The following C12orf42 variants were observed in gnomAD, a reference collection of about 807,000 sequenced individuals.
C12orf42 encodes uncharacterized protein C12orf42.
C12orf42 carries 25 observed loss-of-function variants against 21.6 expected under a neutral mutation model. The observed-to-expected ratio is 1.16, with a 90% CI of 0.84 to 1.62. The LOEUF (loss-of-function observed/expected upper bound fraction) is 1.62. Among genes scored for constraint, C12orf42 ranks in the 40% most tolerant of loss-of-function variants. The pLI, the probability that C12orf42 is intolerant of heterozygous loss-of-function variation, is 0.00. For synonymous variants in C12orf42, 174 were observed against 175.0 expected (o/e 0.99, Z 0.05); for missense variants, 483 against 459.3 (o/e 1.05, Z -0.47).
chr12:103,476,246 A>G (rs1954041922), intron 2 of C12orf42, among the ~76,000 whole-genome samples: 1 of 152,174 alleles, frequency 6.6e-6, no homozygotes, highest in South Asian at 2.1e-4. Flanking sequence ...GCTCTGAGAC[A>G]TGTTTGTTCA....
chr12:103,457,843 C>A (rs1021141121), intron 2 of C12orf42, among the ~76,000 whole-genome samples: 1 of 152,060 alleles, frequency 6.6e-6, no homozygotes, highest in South Asian at 2.1e-4. Context: ...TATATTCCAA[C>A]CTTTTTAAAA....
chr12:103,404,061 C>G (rs1020815933), intron 2 of C12orf42, among the ~76,000 whole-genome samples: 2 of 152,198 alleles, frequency 1.3e-5, no homozygotes, highest in African/African-American at 4.8e-5. Flanking sequence ...CTCCAAACAA[C>G]AAGACTTTAT....
chr12:103,225,305 T>C, the C12orf42 span, among the ~76,000 whole-genome samples: 1 of 152,146 alleles, frequency 6.6e-6, no homozygotes, highest in African/African-American at 2.4e-5. Context: ...TGTCTGGTTT[T>C]AGGACAGGTA....
Position 103,462,096 on chromosome 12 carries a change from G to GTTTTTTTT in C12orf42, c.78+16245_78+16252dup, listed in dbSNP as rs71097979. ...CCATTTTTGTTTTGTTTTTTGCTTGGTTTTTTTTTTTTTTTTTTTTTTTTT... is the reference window on the plus strand; with the variant it reads ...CCATTTTTGTTTTGTTTTTTGCTTGGTTTTTTTTTTTTTTTTTTTTTTTTTTTTTTTTT... On this transcript the variant is annotated intron_variant, in intron 2 of 5. Coordinates refer to ENST00000548883, the MANE Select transcript of C12orf42 (RefSeq NM_198521.5). 5.0e-4 allele frequency among the ~76,000 whole-genome samples: 14 copies of GTTTTTTTT among 27,730 alleles called. 1 individual carries two copies. Among genetic ancestry groups the GTTTTTTTT allele is most frequent in the South Asian group, 1.5e-3 (1 of 664 alleles). 18.2% of individuals were successfully genotyped at this position (27,730 alleles called of 152,430 possible).
chr12:103,552,932 A>G, the C12orf42 span, among the ~76,000 whole-genome samples: 1 of 152,112 alleles, frequency 6.6e-6, no homozygotes, highest in East Asian at 1.9e-4. Flanking sequence ...GCCTTATAAA[A>G]CCATCAGATC....
At chr12:103,118,772 T>TAAAAAA in the C12orf42 span, among the ~76,000 whole-genome samples, 4 of 41,656 alleles carry the variant, frequency 9.6e-5, no homozygotes, top group Non-Finnish European at 1.7e-4. Flanking sequence ...CACTCCAGCC[T>TAAAAAA]AAAAAAAAAA....
the C12orf42 span, among the ~76,000 whole-genome samples, chr12:103,228,291 C>T: frequency 9.9e-5 from 15 of 151,506 alleles, no homozygotes; most frequent in African/African-American, 2.9e-4. Context: ...TGTTCTCTGG[C>T]GGGCAGGAGT....
At chr12:103,454,348 A>G (rs897557338) in intron 2 of C12orf42, among the ~76,000 whole-genome samples, 7 of 152,110 alleles carry the variant, frequency 4.6e-5, no homozygotes, top group African/African-American at 1.7e-4. Flanking sequence ...AGGGAATACT[A>G]ATCAAAATTC....
chr12:103,395,016 A>G (rs528447148), intron 3 of C12orf42, among the ~76,000 whole-genome samples: 2 of 152,352 alleles, frequency 1.3e-5, no homozygotes, highest in African/African-American at 4.8e-5. Flanking sequence ...CATTTATTCA[A>G]TAAAAATCAA....
intron 10 of C12orf42, among the ~76,000 whole-genome samples, chr12:103,257,901 C>CA (rs888606106): frequency 5.9e-5 from 9 of 151,534 alleles, no homozygotes; most frequent in Non-Finnish European, 1.2e-4. Context: ...TGACCAATAT[C>CA]AAAAAAAATT....
At chr12:103,524,112 C>T in the C12orf42 span, among the ~76,000 whole-genome samples, 3 of 152,104 alleles carry the variant, frequency 2.0e-5, no homozygotes, top group Non-Finnish European at 4.4e-5. Flanking sequence ...AGAATCTGAC[C>T]TTCTTTAGCT....
chr12:103,158,484 A>G, the C12orf42 span, among the ~76,000 whole-genome samples: 1 of 152,148 alleles, frequency 6.6e-6, no homozygotes, highest in Non-Finnish European at 1.5e-5. Context: ...TTTTAACCTT[A>G]TCTTCCTAAG....
chr12:103,150,225 T>C, the C12orf42 span, among the ~76,000 whole-genome samples: 3 of 152,188 alleles, frequency 2.0e-5, no homozygotes, highest in Non-Finnish European at 4.4e-5. Flanking sequence ...GAGTATTGAG[T>C]ACCTGGTTTA....
chr12:103,113,242 G>A, the C12orf42 span, among the ~76,000 whole-genome samples: 1 of 152,280 alleles, frequency 6.6e-6, no homozygotes, highest in East Asian at 1.9e-4. Flanking sequence ...AAGTCATACT[G>A]AGATATGAGT....
chr12:103,399,995 T>C (rs1332474670), intron 3 of C12orf42, among the ~76,000 whole-genome samples: 3 of 152,142 alleles, frequency 2.0e-5, no homozygotes, highest in Non-Finnish European at 4.4e-5. Flanking sequence ...TGGCAGTCAA[T>C]ATACAGTATA....
chr12:103,184,465 G>C, the C12orf42 span, among the ~76,000 whole-genome samples: 2 of 152,022 alleles, frequency 1.3e-5, no homozygotes, highest in Non-Finnish European at 2.9e-5. Context: ...TTTGTAACTA[G>C]CATATAATTG....
chr12:103,219,126 T>C, the C12orf42 span, among the ~76,000 whole-genome samples: 1 of 152,238 alleles, frequency 6.6e-6, no homozygotes, highest in Non-Finnish European at 1.5e-5. Context: ...GGTCAGTGGA[T>C]CCCACTCCCA....
At chr12:103,109,970 A>G in the C12orf42 span, among the ~76,000 whole-genome samples, 1 of 152,206 alleles carries the variant, frequency 6.6e-6, no homozygotes, top group Admixed American at 6.5e-5. Context: ...GTAAAGCAAC[A>G]GTGAGACAAT....
At chr12:103,562,318 C>G in the C12orf42 span, among the ~76,000 whole-genome samples, 10 of 152,204 alleles carry the variant, frequency 6.6e-5, no homozygotes. Context: ...GTGTGAGTCT[C>G]TGGCCATTGG....
Sources: allele counts gnomAD v4.1 joint callset (sites outside exome capture counted in the v4.1 genomes callset), GRCh38; gene constraint gnomAD v4.1.1; transcripts MANE v1.5; gene names NCBI Gene and HGNC (gene_info 2026-07-23, HGNC 2026-07-21).